Variants in RHBDL3 observed in about 807,000 individuals in gnomAD.
The protein encoded by RHBDL3 is rhomboid like 3.
In RHBDL3, 28 loss-of-function variants were observed where a neutral mutation model predicts 48.2. The observed-to-expected ratio is 0.58, with a 90% CI of 0.43 to 0.80. The LOEUF (loss-of-function observed/expected upper bound fraction) is 0.80. Among genes scored for constraint, RHBDL3 ranks in the 30% least tolerant of loss-of-function variants. The pLI, the probability that RHBDL3 is intolerant of heterozygous loss-of-function variation, is 0.00. For missense variants in RHBDL3, 464 were observed against 542.7 expected, an observed-to-expected ratio of 0.85 and a Z score of 1.44; for synonymous variants, 208 against 232.3, an observed-to-expected ratio of 0.90 and a Z score of 0.95.
chr17:32,296,349 T>C (rs908530218), intron 5 of RHBDL3, among the ~76,000 whole-genome samples: 4 of 142,560 alleles, frequency 2.8e-5, no homozygotes, highest in African/African-American at 7.9e-5. Context: ...TTTTTTTTTT[T>C]TTTTGAGATG....
At chr17:32,282,535 C>G (rs2040077354) in intron 2 of RHBDL3, among the ~76,000 whole-genome samples, 1 of 152,246 alleles carries the variant, frequency 6.6e-6, no homozygotes, top group Non-Finnish European at 1.5e-5. Flanking sequence ...CACTTCACCC[C>G]AGCCTGGGTG....
At chr17:32,320,243 C>T (rs779447438) in intron 8 of RHBDL3, among the ~76,000 whole-genome samples, 16 of 152,208 alleles carry the variant, frequency 1.1e-4, no homozygotes, top group East Asian at 3.9e-4. Flanking sequence ...GCTGTACTCC[C>T]GCCTAGAGTG....
chr17:32,284,557 G>C, intron 2 of RHBDL3, 102 bp from the exon 3 acceptor site: 4 of 1,142,206 alleles, frequency 3.5e-6, no homozygotes, highest in Non-Finnish European at 5.1e-6. Flanking sequence ...CCAGGGGCTG[G>C]GGACTAAAGC....
intron 2 of RHBDL3, among the ~76,000 whole-genome samples, chr17:32,268,548 G>A (rs1315957800): frequency 2.6e-5 from 4 of 152,160 alleles, no homozygotes; most frequent in Non-Finnish European, 4.4e-5. Context: ...TTGACCTTCA[G>A]CAAGGAAATG....
At chr17:32,311,508 G>C (rs1283461476) in intron 7 of RHBDL3, among the ~76,000 whole-genome samples, 2 of 152,190 alleles carry the variant, frequency 1.3e-5, no homozygotes, top group African/African-American at 4.8e-5. Flanking sequence ...GGTGGACAGA[G>C]CCCTGGACCA....
chr17:32,303,711 CTCTT>C (rs1325165445), intron 6 of RHBDL3, among the ~76,000 whole-genome samples: 2 of 151,960 alleles, frequency 1.3e-5, no homozygotes, highest in East Asian at 3.9e-4. Context: ...TGTGGGGACT[CTCTT>C]TCTTGAAGGA....
chr17:32,279,849 T>A (rs1249573525), intron 2 of RHBDL3, among the ~76,000 whole-genome samples: 1 of 152,058 alleles, frequency 6.6e-6, no homozygotes, highest in East Asian at 1.9e-4. Context: ...ACTCTCTTCC[T>A]CCCCTTGCCC....
At chr17:32,299,383 T>C (rs1210461016) in intron 6 of RHBDL3, among the ~76,000 whole-genome samples, 1 of 152,162 alleles carries the variant, frequency 6.6e-6, no homozygotes, top group Non-Finnish European at 1.5e-5. Context: ...TTGGCCACCT[T>C]GGTCAGCACC....
At chr17:32,284,359 T>G (rs2040143277) in intron 2 of RHBDL3, 2 of 304,274 alleles carry the variant, frequency 6.6e-6, no homozygotes, top group South Asian at 5.6e-5. Flanking sequence ...CTGCACTCAT[T>G]GCCTTTTCAT....
intron 7 of RHBDL3, 36 bp downstream of exon 7, chr17:32,305,477 C>A (rs367894973): frequency 1.4e-6 from 2 of 1,422,652 alleles, no homozygotes; most frequent in Admixed American, 1.7e-5. Flanking sequence ...TCTTTCTGGC[C>A]CTGTCCTCTG....
chr17:32,309,770 CTTTT>C (rs11346917), intron 7 of RHBDL3, among the ~76,000 whole-genome samples: 10 of 124,830 alleles, frequency 8.0e-5, no homozygotes, highest in Admixed American at 6.0e-4. Context: ...ATCAAGACTT[CTTTT>C]TTTTTTTTTT....
intron 7 of RHBDL3, among the ~76,000 whole-genome samples, chr17:32,313,111 C>CT (rs56743898): frequency 0.13 from 19,870 of 151,790 alleles, 1,693 homozygotes; most frequent in African/African-American, 0.23. Flanking sequence ...AATCCCAGCA[C>CT]TTTGGGAGGC....
intron 2 of RHBDL3, among the ~76,000 whole-genome samples, chr17:32,271,688 C>T (rs537566500): frequency 9.8e-5 from 15 of 152,288 alleles, no homozygotes; most frequent in African/African-American, 2.4e-4. Flanking sequence ...AGCAGAGTTC[C>T]GTTAAGTCAA....
In RHBDL3 at chr17:32,265,869, G is replaced by A. The variant is rs1471029367; in HGVS notation, c.-321G>A. On this transcript the variant is annotated 5_prime_UTR_variant, in exon 1 of 9. Coordinates refer to ENST00000269051, the MANE Select transcript of RHBDL3 (RefSeq NM_138328.3). Reference sequence around the variant, plus strand: ...CCGCGAGAAGCGGGAAGGGAGCGCGGGGAGCGGCGGGGCCGGGGCCGGCCC... The same window carrying A: ...CCGCGAGAAGCGGGAAGGGAGCGCGAGGAGCGGCGGGGCCGGGGCCGGCCC... Among the ~76,000 whole-genome samples the A allele has an allele frequency of 2.0e-5, 3 of 147,496 alleles. No homozygotes were observed. Among genetic ancestry groups the A allele is most frequent in the South Asian group, 4.1e-4 (2 of 4,826 alleles).
intron 8 of RHBDL3, 76 bp from the exon 9 acceptor site, chr17:32,320,882 G>A: frequency 9.9e-7 from 1 of 1,008,870 alleles, no homozygotes; most frequent in Non-Finnish European, 1.5e-6. Context: ...GAATTCATGG[G>A]TGGGTGATGA....
At chr17:32,311,453 T>G (rs2150749527) in intron 7 of RHBDL3, among the ~76,000 whole-genome samples, 1 of 152,292 alleles carries the variant, frequency 6.6e-6, no homozygotes, top group Non-Finnish European at 1.5e-5. Context: ...TGTGGGCAGC[T>G]GGGACAGACG....
chr17:32,284,017 A>G (rs2040133340), intron 2 of RHBDL3: 1 of 152,380 alleles, frequency 6.6e-6, no homozygotes, highest in South Asian at 2.1e-4. Context: ...GCAAAGCTGC[A>G]AACGATGAAA....
intron 2 of RHBDL3, among the ~76,000 whole-genome samples, chr17:32,275,594 A>T (rs1487952824): frequency 1.4e-5 from 2 of 147,372 alleles, no homozygotes; most frequent in South Asian, 4.5e-4. Context: ...ATGTTGGGAG[A>T]GCTGGATGGT....
intron 8 of RHBDL3, among the ~76,000 whole-genome samples, chr17:32,319,718 G>A (rs2041071657): frequency 1.3e-5 from 2 of 152,232 alleles, no homozygotes; most frequent in South Asian, 4.1e-4. Flanking sequence ...CCCTGCAGTG[G>A]TTAGGGTGGA....
Sources: allele counts gnomAD v4.1 joint callset (sites outside exome capture counted in the v4.1 genomes callset), GRCh38; gene constraint gnomAD v4.1.1; transcripts MANE v1.5; gene names NCBI Gene and HGNC (gene_info 2026-07-23, HGNC 2026-07-21).